Variants in LRRK2 observed in about 807,000 individuals in gnomAD.
LRRK2 encodes leucine-rich repeat serine/threonine-protein kinase 2.
LRRK2 carries 203 observed loss-of-function variants against 302.6 expected under a neutral mutation model. That is an observed-to-expected ratio of 0.67 (90% CI 0.60 to 0.75). The LOEUF (loss-of-function observed/expected upper bound fraction) is 0.75, where lower values mean the gene tolerates loss of function less well. LRRK2 is among the 30% of genes least tolerant of loss of function. The pLI is 0.00. For missense variants in LRRK2, 2,830 were observed against 2,951.0 expected (o/e 0.96, Z 0.95); for synonymous variants, 1,066 against 1,031.9 (o/e 1.03, Z -0.63).
rs1436201113 is a variant in LRRK2 at position 40,249,889 on chromosome 12, A to C, written c.902A>C (p.Gln301Pro). The C allele has an allele frequency of 1.2e-6, 2 of 1,613,964 alleles. No individual in the cohort carries two copies. Among genetic ancestry groups the C allele is most frequent in the Non-Finnish European group, 1.7e-6 (2 of 1,179,878 alleles). The change falls in exon 8 of 51, where the codon CAG (glutamine) becomes CCG (proline). Residue 301 changes from glutamine to proline, a missense_variant. Physicochemically the swap from Gln to Pro is moderately conservative, Grantham distance 76 (BLOSUM62 -1). This residue lies in a region of LRRK2 where 2,121 missense variants were observed against 2,148.0 expected (regional missense o/e 0.99). Transcript: ENST00000298910. ...GAGTTTGTGGTGAAAGCTGTGCAGC[A>C]GTACCCAGAGAATGCAGCATTGCAG... The part of the protein sequence containing the change: ...VHEFVVKAVQ[Q>P]YPENAALQIS...
At chr12:40,267,626 CT>C (rs1565695607) in intron 14 of LRRK2, among the ~76,000 whole-genome samples, 1 of 152,136 alleles carries the variant, frequency 6.6e-6, no homozygotes, top group Non-Finnish European at 1.5e-5. Flanking sequence ...TTGAGCACTG[CT>C]TTTCCCCCAT....
chr12:40,289,562 A>T (rs1944063758), intron 20 of LRRK2, among the ~76,000 whole-genome samples: 1 of 149,190 alleles, frequency 6.7e-6, no homozygotes, highest in Non-Finnish European at 1.5e-5. Context: ...ATTTATATAG[A>T]TTATATCTAT....
chr12:40,340,248 T>C, intron 40 of LRRK2, 46 bp from the exon 41 acceptor site: 1 of 1,591,536 alleles, frequency 6.3e-7, no homozygotes, highest in Non-Finnish European at 8.6e-7. Flanking sequence ...AAAATTATTA[T>C]AATGTAATCA....
rs138780308 is a variant in LRRK2, at chr12:40,367,044, C to T, written c.7429C>T (p.Arg2477Trp). ...TGTCATGCTGGTATTGGGCTACAACCGGAAAAATACTGAAGGTACACAAAA... is the reference window on the plus strand; with the variant it reads ...TGTCATGCTGGTATTGGGCTACAACTGGAAAAATACTGAAGGTACACAAAA... ...KNVMLVLGYN[R>W]KNTEGTQKQK... Residue 2477 changes from arginine (R) to tryptophan (W), a missense_variant, in exon 50 of 51, where the codon CGG (arginine) becomes TGG (tryptophan). Arg to Trp is a moderately radical substitution (Grantham distance 101). Coordinates refer to ENST00000298910, the MANE Select transcript of LRRK2 (RefSeq NM_198578.4). 2.7e-4 allele frequency: 440 copies of T among 1,608,072 alleles called. 1 individual carries two copies. In the Admixed American group the frequency reaches 6.7e-3, roughly 25 times the overall value.
rs201753047 is a variant in LRRK2 at position 40,328,327 on chromosome 12, T to C, written c.5657-33T>C. ...TTTAGTTTTTTTCGCTTGGACAGCT[T>C]AATTTAAGTGCTTTGTATTTTCTTT... On this transcript the variant is annotated intron_variant, in intron 38 of 50. Coordinates refer to ENST00000298910, the MANE Select transcript of LRRK2 (RefSeq NM_198578.4). 465 of 1,563,330 alleles carry C rather than the reference T, an allele frequency of 3.0e-4. No individual in the cohort carries two copies. In the East Asian group the frequency reaches 5.5e-3, roughly 18 times the overall value.
intron 19 of LRRK2, among the ~76,000 whole-genome samples, chr12:40,285,802 C>T (rs780460589): frequency 6.6e-6 from 1 of 151,680 alleles, no homozygotes; most frequent in Admixed American, 6.6e-5. Context: ...GATTACATTA[C>T]TCCGTGGCAA....
At chr12:40,262,768 A>G (rs1942832457) in intron 13 of LRRK2, among the ~76,000 whole-genome samples, 1 of 152,210 alleles carries the variant, frequency 6.6e-6, no homozygotes, top group Admixed American at 6.5e-5. Context: ...TACTCAGGCC[A>G]GTTTTAGTGG....
In LRRK2 at chr12:40,367,768, G is replaced by C; in HGVS notation, c.*3G>C. 1 of 1,603,282 alleles carries C rather than the reference G, an allele frequency of 6.2e-7. No homozygotes were observed. The highest frequency in any genetic ancestry group is 8.5e-7 in the Non-Finnish European group (1 of 1,173,956). On this transcript the variant is annotated 3_prime_UTR_variant, in exon 51 of 51. Coordinates refer to ENST00000298910, the MANE Select transcript of LRRK2 (RefSeq NM_198578.4). Reference sequence around the variant, plus strand: ...TGAGACGAACATCTGTTGAGTAAGAGAGAAATAGGAATTGTCTTTGGATAG... The same window carrying C: ...TGAGACGAACATCTGTTGAGTAAGACAGAAATAGGAATTGTCTTTGGATAG...
At chr12:40,297,254 TAAAAC>T (rs1364922871) in intron 23 of LRRK2, among the ~76,000 whole-genome samples, 2 of 152,176 alleles carry the variant, frequency 1.3e-5, no homozygotes, top group Admixed American at 1.3e-4. Context: ...TTAGTCTAGT[TAAAAC>T]AAAGAGAATT....
Position 40,238,038 on chromosome 12 carries a change from C to A in LRRK2, c.506C>A (p.Ser169Ter). ...IFMLIFDAMH[S>*]FPANDEVQKL... ...ATGTTAATTTTTGATGCCATGCACT[C>A]ATTTCCAGCCAATGATGAAGTCCAG... Residue 169 changes from serine (S) to a stop codon, truncating the protein, a stop_gained, in exon 5 of 51, where the codon TCA (serine) becomes TAA (stop). Coordinates refer to ENST00000298910, the MANE Select transcript of LRRK2 (RefSeq NM_198578.4). LOFTEE classifies it high-confidence loss of function. The A allele has an allele frequency of 1.2e-6, 2 of 1,613,552 alleles. No homozygotes were observed. The highest frequency in any genetic ancestry group is 1.7e-6 in the Non-Finnish European group (2 of 1,179,628).
At chr12:40,367,571 G>A (rs1231752957) in intron 50 of LRRK2, 73 bp from the exon 51 acceptor site, 7 of 1,491,268 alleles carry the variant, frequency 4.7e-6, no homozygotes, top group Non-Finnish European at 6.4e-6. Context: ...AAATACATGA[G>A]CCAAACTGAA....
At chr12:40,322,592 T>TTATCCATAAGG (rs1945437017) in intron 37 of LRRK2, 82 bp downstream of exon 37, 1 of 1,287,680 alleles carries the variant, frequency 7.8e-7, no homozygotes, top group East Asian at 2.4e-5. Context: ...GTAAATATTC[T>TTATCCATAAGG]TATCCATAAG....
At chr12:40,226,269 GA>G (rs777836064) in intron 2 of LRRK2, among the ~76,000 whole-genome samples, 4 of 152,082 alleles carry the variant, frequency 2.6e-5, no homozygotes, top group African/African-American at 4.8e-5. Context: ...ATGTATCTTG[GA>G]TTTTTTTTTA....
At chr12:40,309,027 C>T in intron 29 of LRRK2, 79 bp from the exon 30 acceptor site, 1 of 1,444,518 alleles carries the variant, frequency 6.9e-7, no homozygotes, top group East Asian at 2.3e-5. Context: ...TAGTATTATT[C>T]TCCCAGATTT....
At chr12:40,345,888 A>AT (rs1329457477) in intron 41 of LRRK2, among the ~76,000 whole-genome samples, 1 of 152,110 alleles carries the variant, frequency 6.6e-6, no homozygotes, top group African/African-American at 2.4e-5. Context: ...AATTCAGTTG[A>AT]TTTTTTCCAC....
In LRRK2 at chr12:40,335,067, G is replaced by A. The variant is rs746982964; in HGVS notation, c.5858G>A (p.Gly1953Asp). The A allele has an allele frequency of 6.2e-7, 1 of 1,614,076 alleles. No individual in the cohort carries two copies. Among genetic ancestry groups the A allele is most frequent in the South Asian group, 1.1e-5 (1 of 91,088 alleles). ...RMLVMELASK[G>D]SLDRLLQQDK... ...TTGGTGATGGAGTTAGCCTCCAAGG[G>A]TTCCTTGGATCGCCTGCTTCAGCAG... Residue 1953 changes from glycine (G) to aspartate (D), a missense_variant, in exon 40 of 51, where the codon GGT (glycine) becomes GAT (aspartate). Coordinates refer to ENST00000298910, the MANE Select transcript of LRRK2 (RefSeq NM_198578.4).
At chr12:40,333,221 A>G (rs912486163) in intron 39 of LRRK2, among the ~76,000 whole-genome samples, 2 of 152,174 alleles carry the variant, frequency 1.3e-5, no homozygotes, top group African/African-American at 4.8e-5. Flanking sequence ...GATTTTATCT[A>G]CTAAGCAAAT....
chr12:40,299,043 T>C, intron 24 of LRRK2, 66 bp from the exon 25 acceptor site: 2 of 1,537,578 alleles, frequency 1.3e-6, no homozygotes, highest in East Asian at 2.3e-5. Context: ...AAATTGTTTT[T>C]GATATTTTTT....
chr12:40,334,518 T>A (rs1201610214), intron 39 of LRRK2, among the ~76,000 whole-genome samples: 1 of 152,200 alleles, frequency 6.6e-6, no homozygotes, highest in East Asian at 1.9e-4. Context: ...TATTATATAC[T>A]CCATTCTTAC....
Sources: gnomAD v4.1 joint callset for allele counts (sites outside exome capture counted in the v4.1 genomes callset) on GRCh38, gnomAD v4.1.1 for gene constraint, gnomAD v4.1.1 regional missense constraint, MANE v1.5 for transcripts, NCBI Gene and HGNC (gene_info 2026-07-23, HGNC 2026-07-21) for gene names.